The following TAFA1 variants were observed in gnomAD, a reference collection of about 807,000 sequenced individuals.
TAFA1 encodes the protein TAFA chemokine like family member 1.
In TAFA1, 4 loss-of-function variants were observed where a neutral mutation model predicts 18.5. The observed-to-expected ratio is 0.22, with a 90% CI of 0.11 to 0.49. The LOEUF (loss-of-function observed/expected upper bound fraction) is 0.49, where lower values mean the gene tolerates loss of function less well. Among genes scored for constraint, TAFA1 ranks in the 20% least tolerant of loss-of-function variants. The pLI is 0.98. For missense variants in TAFA1, 147 were observed against 169.0 expected, an observed-to-expected ratio of 0.87 and a Z score of 0.72; for synonymous variants, 56 against 55.2, an observed-to-expected ratio of 1.01 and a Z score of -0.06.
At chr3:68,388,644 C>T (rs1270915968) in intron 2 of TAFA1, among the ~76,000 whole-genome samples, 1 of 152,112 alleles carries the variant, frequency 6.6e-6, no homozygotes, top group Non-Finnish European at 1.5e-5. Flanking sequence ...GGAGTGCTAA[C>T]AGGATCTTTG....
At chr3:68,145,677 CT>C in intron 2 of TAFA1, 1 of 902,350 alleles carries the variant, frequency 1.1e-6, no homozygotes, top group African/African-American at 1.6e-5. Context: ...ATCCTGTATA[CT>C]GACAAATATA....
At chr3:68,233,666 G>A (rs1185347279) in intron 2 of TAFA1, among the ~76,000 whole-genome samples, 1 of 152,022 alleles carries the variant, frequency 6.6e-6, no homozygotes, top group East Asian at 1.9e-4. Flanking sequence ...AATGTCATTG[G>A]TATTTTGACA....
At chr3:68,271,053 G>A (rs1405295655) in intron 2 of TAFA1, among the ~76,000 whole-genome samples, 1 of 152,098 alleles carries the variant, frequency 6.6e-6, no homozygotes, top group African/African-American at 2.4e-5. Context: ...TTAACTAACT[G>A]AAGTTTGCAA....
chr3:68,313,460 C>T (rs2068556557), intron 2 of TAFA1, among the ~76,000 whole-genome samples: 1 of 152,108 alleles, frequency 6.6e-6, no homozygotes, highest in Non-Finnish European at 1.5e-5. Flanking sequence ...TTACTTTCAT[C>T]TGTTTGAAAA....
intron 2 of TAFA1, among the ~76,000 whole-genome samples, chr3:68,081,392 C>A (rs2064898128): frequency 1.3e-5 from 2 of 151,942 alleles, no homozygotes; most frequent in Admixed American, 6.6e-5. Context: ...AGGCGCTCTG[C>A]TTTTTAGAGT....
At chr3:68,019,470 A>G (rs1486985886) in intron 2 of TAFA1, among the ~76,000 whole-genome samples, 2 of 152,118 alleles carry the variant, frequency 1.3e-5, no homozygotes, top group Non-Finnish European at 2.9e-5. Context: ...AAATGAAGTT[A>G]TAAATCATTC....
At chr3:68,498,063 G>C (rs1313401672) in intron 3 of TAFA1, among the ~76,000 whole-genome samples, 4 of 152,140 alleles carry the variant, frequency 2.6e-5, no homozygotes, top group Non-Finnish European at 5.9e-5. Flanking sequence ...TACCAACGTA[G>C]CTTGAGGCAC....
chr3:68,211,676 T>G (rs560668764), intron 2 of TAFA1, among the ~76,000 whole-genome samples: 1 of 152,184 alleles, frequency 6.6e-6, no homozygotes, highest in East Asian at 1.9e-4. Context: ...AGCAGCATGG[T>G]GCTGGCATCT....
chr3:68,502,875 A>G (rs1053515737), intron 3 of TAFA1, among the ~76,000 whole-genome samples: 4 of 152,204 alleles, frequency 2.6e-5, no homozygotes, highest in Non-Finnish European at 1.5e-5. Flanking sequence ...CAACACTCTT[A>G]CACAAATGTT....
At chr3:68,339,060 A>G (rs1172226107) in intron 2 of TAFA1, among the ~76,000 whole-genome samples, 1 of 152,238 alleles carries the variant, frequency 6.6e-6, no homozygotes, top group East Asian at 1.9e-4. Flanking sequence ...AATTTCACCT[A>G]CATTAAATTA....
intron 2 of TAFA1, among the ~76,000 whole-genome samples, chr3:68,045,725 G>A (rs767252850): frequency 1.3e-5 from 2 of 152,130 alleles, no homozygotes; most frequent in Non-Finnish European, 2.9e-5. Flanking sequence ...AGGGAGTGGT[G>A]GCACAGATGA....
rs549990160 is a variant in TAFA1 at position 68,512,160 on chromosome 3, T to C, written c.260-26596T>C. On this transcript the variant is annotated intron_variant, in intron 3 of 4. Coordinates refer to ENST00000478136, the MANE Select transcript of TAFA1 (RefSeq NM_213609.4). ...ACTTCACTTGCTTAAATGCTTCACG[T>C]GATGCACAGAGGAGTGTACCAATAA... 1.1e-3 allele frequency among the ~76,000 whole-genome samples: 175 copies of C among 152,234 alleles called. 2 individuals are homozygous for C. Among genetic ancestry groups the C allele is most frequent in the Non-Finnish European group, 2.1e-3 (140 of 68,010 alleles).
intron 2 of TAFA1, among the ~76,000 whole-genome samples, chr3:68,180,186 C>T (rs1471327391): frequency 2.2e-5 from 2 of 90,948 alleles, no homozygotes; most frequent in South Asian, 5.3e-4. Context: ...GTGTGCACCA[C>T]CACACCTGGC....
chr3:68,238,198 G>A (rs1489017976), intron 2 of TAFA1, among the ~76,000 whole-genome samples: 1 of 152,122 alleles, frequency 6.6e-6, no homozygotes, highest in Non-Finnish European at 1.5e-5. Flanking sequence ...AACTGGGCCT[G>A]TACAAGTGTC....
Position 68,150,539 on chromosome 3 carries a change from C to T in TAFA1, c.118+143795C>T, listed in dbSNP as rs375094816. Among the ~76,000 whole-genome samples the T allele has an allele frequency of 7.2e-5, 11 of 152,224 alleles. No homozygotes were observed. The East Asian group carries it at 2.1e-3, about 29-fold the overall frequency. On this transcript the variant is annotated intron_variant, in intron 2 of 4. Transcript: ENST00000478136. ...GGATTTTGGAGATAGCTGTTGGAGA[C>T]TCCTTAACATGAGAGCCATGACTGG...
intron 2 of TAFA1, among the ~76,000 whole-genome samples, chr3:68,171,258 G>C (rs1050500505): frequency 1.8e-4 from 4 of 22,678 alleles, no homozygotes; most frequent in Non-Finnish European, 3.6e-4. Context: ...TGACTTAGAA[G>C]ATAGAATGGG....
chr3:68,308,171 G>T (rs2068453582), intron 2 of TAFA1, among the ~76,000 whole-genome samples: 1 of 152,058 alleles, frequency 6.6e-6, no homozygotes. Context: ...TATGAATTCA[G>T]AGGACCCCAG....
rs191984483 is a variant in TAFA1, at chr3:68,541,919, G to A, written c.385-2567G>A. The stretch of plus-strand genomic sequence containing the variant: ...GTCTGATCTAATTTAAAACTTTATG[G>A]TGTTCATTTTTTAAGGAAGGTGAAG... On this transcript the variant is annotated intron_variant, in intron 4 of 4. Coordinates refer to ENST00000478136, the MANE Select transcript of TAFA1 (RefSeq NM_213609.4). Among the ~76,000 whole-genome samples the A allele has an allele frequency of 4.8e-3, 729 of 152,122 alleles. 5 individuals carry two copies. Among genetic ancestry groups the A allele is most frequent in the Middle Eastern group, 0.027 (8 of 294 alleles).
At position 68,131,042 on chromosome 3, in the gene TAFA1, T is replaced by C. The variant is rs185247699; in HGVS notation, c.118+124298T>C. ...ACTTCACCATTTCATCCTTAGTAAC[T>C]GGATAATGCATGGCATATAGTGGGC... On this transcript the variant is annotated intron_variant, in intron 2 of 4. Coordinates refer to ENST00000478136, the MANE Select transcript of TAFA1 (RefSeq NM_213609.4). Among the ~76,000 whole-genome samples the C allele has an allele frequency of 1.3e-3, 198 of 152,302 alleles. 2 individuals are homozygous for C. Among genetic ancestry groups the C allele is most frequent in the Admixed American group, 2.9e-3 (45 of 15,284 alleles).
Sources: gnomAD v4.1 joint callset for allele counts (sites outside exome capture counted in the v4.1 genomes callset) on GRCh38, gnomAD v4.1.1 for gene constraint, MANE v1.5 for transcripts, NCBI Gene and HGNC (gene_info 2026-07-23, HGNC 2026-07-21) for gene names.